CDH10: variants seen among roughly 807,000 people sequenced by gnomAD.
CDH10 encodes cadherin-10.
Under a neutral mutation model 73.1 loss-of-function variants are expected in CDH10, and 30 were observed. The ratio of observed to expected loss-of-function variants is 0.41; its 90% confidence interval spans 0.31 to 0.56. The LOEUF is 0.56. Ranked by LOEUF, CDH10 falls within the 20% of genes least tolerant of loss-of-function variation. The probability of loss-of-function intolerance (pLI) is 0.27; values close to 1 mark genes in which losing one functional copy is unlikely to be tolerated. For synonymous variants in CDH10, 345 were observed against 348.2 expected, an observed-to-expected ratio of 0.99 and a Z score of 0.10; for missense variants, 815 against 973.7, an observed-to-expected ratio of 0.84 and a Z score of 2.17.
chr5:24,573,822 T>C (rs1296961852), intron 2 of CDH10, among the ~76,000 whole-genome samples: 1 of 148,248 alleles, frequency 6.7e-6, no homozygotes, highest in African/African-American at 2.4e-5. Flanking sequence ...TTTATCGCAT[T>C]AAATATTTAT....
chr5:24,600,789 G>T (rs766942598), intron 1 of CDH10, among the ~76,000 whole-genome samples: 1 of 152,112 alleles, frequency 6.6e-6, no homozygotes, highest in African/African-American at 2.4e-5. Context: ...GGGGGGAAAA[G>T]AAATATATAC....
intron 2 of CDH10, among the ~76,000 whole-genome samples, chr5:24,543,831 A>C (rs1744240493): frequency 6.6e-6 from 1 of 152,288 alleles, no homozygotes; most frequent in Admixed American, 6.5e-5. Context: ...CTGAAGAAAA[A>C]TGAGGAGAAT....
At chr5:24,496,403 A>T (rs1337438108) in intron 9 of CDH10, among the ~76,000 whole-genome samples, 1 of 152,084 alleles carries the variant, frequency 6.6e-6, no homozygotes, top group East Asian at 1.9e-4. Context: ...AGGTCCTCTG[A>T]CTCTCTCTGA....
intron 2 of CDH10, among the ~76,000 whole-genome samples, chr5:24,562,914 C>A (rs748225927): frequency 2.0e-5 from 3 of 152,284 alleles, no homozygotes; most frequent in Middle Eastern, 3.4e-3. Flanking sequence ...AGCAAGTTGT[C>A]AACTTGATGA....
chr5:24,532,866 A>C (rs1413563261), intron 5 of CDH10, among the ~76,000 whole-genome samples: 1 of 152,032 alleles, frequency 6.6e-6, no homozygotes, highest in African/African-American at 2.4e-5. Context: ...GGTTTCAATG[A>C]TATGCTACAT....
chr5:24,632,824 A>G (rs1371937650), intron 1 of CDH10, among the ~76,000 whole-genome samples: 6 of 151,948 alleles, frequency 3.9e-5, no homozygotes, highest in African/African-American at 1.4e-4. Context: ...TTCACATGGT[A>G]TCCTGTAATT....
chr5:24,503,135 T>C (rs940712360), intron 8 of CDH10, among the ~76,000 whole-genome samples: 1 of 152,180 alleles, frequency 6.6e-6, no homozygotes, highest in African/African-American at 2.4e-5. Context: ...CCTAATTCAA[T>C]TGTTCTGGGA....
At chr5:24,496,350 A>G (rs761886261) in intron 9 of CDH10, among the ~76,000 whole-genome samples, 6 of 152,156 alleles carry the variant, frequency 3.9e-5, no homozygotes, top group Non-Finnish European at 8.8e-5. Context: ...ACAAGATAGA[A>G]TGAAAAACAA....
At chr5:24,563,597 CAAAAAAAA>C (rs70965616) in intron 2 of CDH10, among the ~76,000 whole-genome samples, 4 of 88,730 alleles carry the variant, frequency 4.5e-5, no homozygotes, top group Non-Finnish European at 6.3e-5. Flanking sequence ...ACTAAAAATA[CAAAAAAAA>C]AAAAAAAAAA....
At chr5:24,644,242 T>G (rs1489518330) in intron 1 of CDH10, among the ~76,000 whole-genome samples, 1 of 152,172 alleles carries the variant, frequency 6.6e-6, no homozygotes. Flanking sequence ...AACTGATTTT[T>G]AAAATAAAAA....
At chr5:24,516,835 C>A (rs907065808) in intron 5 of CDH10, among the ~76,000 whole-genome samples, 1 of 151,306 alleles carries the variant, frequency 6.6e-6, no homozygotes, top group African/African-American at 2.4e-5. Context: ...TCCATATATG[C>A]CTGGTTGCTT....
chr5:24,624,143 G>A (rs1458681777), intron 1 of CDH10, among the ~76,000 whole-genome samples: 7 of 151,970 alleles, frequency 4.6e-5, no homozygotes, highest in African/African-American at 1.5e-4. Context: ...GGTGTCCTGT[G>A]GTGAGAAGAA....
chr5:24,601,519 G>A (rs1273266263), intron 1 of CDH10, among the ~76,000 whole-genome samples: 1 of 152,088 alleles, frequency 6.6e-6, no homozygotes, highest in East Asian at 1.9e-4. Flanking sequence ...GACCCACTGG[G>A]AGTTGGAAGC....
chr5:24,545,557 A>G (rs1744308186), intron 2 of CDH10, among the ~76,000 whole-genome samples: 1 of 152,072 alleles, frequency 6.6e-6, no homozygotes, highest in Non-Finnish European at 1.5e-5. Flanking sequence ...GCTCATACCT[A>G]TAATCTCGGT....
intron 1 of CDH10, among the ~76,000 whole-genome samples, chr5:24,636,167 T>C (rs1356811391): frequency 2.0e-5 from 3 of 151,962 alleles, no homozygotes; most frequent in Admixed American, 6.6e-5. Flanking sequence ...TTAGACACTA[T>C]AGTAATTGCT....
chr5:24,518,155 G>A (rs1743178503), intron 5 of CDH10, among the ~76,000 whole-genome samples: 1 of 152,164 alleles, frequency 6.6e-6, no homozygotes, highest in Admixed American at 6.5e-5. Flanking sequence ...TAACTAAGAG[G>A]ACGTTTCCTG....
chr5:24,579,988 G>A (rs1436132932), intron 2 of CDH10, among the ~76,000 whole-genome samples: 1 of 151,806 alleles, frequency 6.6e-6, no homozygotes, highest in Non-Finnish European at 1.5e-5. Flanking sequence ...ATGCTCTATC[G>A]CTTCAAATAA....
At chr5:24,591,847 T>C (rs1746210656) in intron 2 of CDH10, among the ~76,000 whole-genome samples, 1 of 151,922 alleles carries the variant, frequency 6.6e-6, no homozygotes, top group Admixed American at 6.6e-5. Context: ...TTTACCAACA[T>C]TTATTAGATC....
At chr5:24,508,200 A>T (rs866410235) in intron 7 of CDH10, among the ~76,000 whole-genome samples, 2 of 152,192 alleles carry the variant, frequency 1.3e-5, no homozygotes, top group Non-Finnish European at 2.9e-5. Flanking sequence ...CAAAATACAA[A>T]ATGGACTAAT....
Sources: gnomAD v4.1 joint callset for allele counts (sites outside exome capture counted in the v4.1 genomes callset) on GRCh38, gnomAD v4.1.1 for gene constraint, MANE v1.5 for transcripts, NCBI Gene and HGNC (gene_info 2026-07-23, HGNC 2026-07-21) for gene names.